ELP4: variants seen among roughly 807,000 people sequenced by gnomAD.
ELP4 encodes elongator acetyltransferase complex subunit 4, also known as elongator complex protein 4.
In ELP4, 51 loss-of-function variants were observed where a neutral mutation model predicts 48.9. That is an observed-to-expected ratio of 1.04 (90% CI 0.83 to 1.32). ELP4 has a LOEUF of 1.32. Among genes scored for constraint, ELP4 ranks in the 40% most tolerant of loss-of-function variants. The pLI, the probability that ELP4 is intolerant of heterozygous loss-of-function variation, is 0.00. For synonymous variants in ELP4, 210 were observed against 189.2 expected, an observed-to-expected ratio of 1.11 and a Z score of -0.90; for missense variants, 519 against 514.6, an observed-to-expected ratio of 1.01 and a Z score of -0.08.
intron 9 of ELP4, among the ~76,000 whole-genome samples, chr11:31,725,543 A>C (rs1382603814): frequency 1.3e-5 from 2 of 152,162 alleles, no homozygotes; most frequent in Admixed American, 1.3e-4. Flanking sequence ...ACTGATGTTC[A>C]CTGGGGAATG....
At chr11:31,568,504 C>T (rs1957147395) in intron 3 of ELP4, among the ~76,000 whole-genome samples, 1 of 152,140 alleles carries the variant, frequency 6.6e-6, no homozygotes, top group South Asian at 2.1e-4. Context: ...AAACAAGAGG[C>T]ATCACATTAC....
At chr11:31,651,155 C>T (rs1444221975) in intron 9 of ELP4, 3 of 151,678 alleles carry the variant, frequency 2.0e-5, no homozygotes, top group Non-Finnish European at 3.0e-5. Context: ...CACTTTGGCC[C>T]TTTTTTGACC....
chr11:31,519,944 C>A, intron 1 of ELP4, 112 bp from the exon 2 acceptor site: 1 of 908,180 alleles, frequency 1.1e-6, no homozygotes, highest in Non-Finnish European at 1.7e-6. Flanking sequence ...ATGTTGTTCA[C>A]AACTACTGTT....
intron 9 of ELP4, among the ~76,000 whole-genome samples, chr11:31,704,169 T>A (rs918896485): frequency 3.9e-5 from 6 of 152,028 alleles, no homozygotes; most frequent in Non-Finnish European, 8.8e-5. Flanking sequence ...TTATTTCAGA[T>A]CCTGTTCTTG....
At chr11:31,656,047 C>T (rs1565098371) in intron 9 of ELP4, among the ~76,000 whole-genome samples, 1 of 151,944 alleles carries the variant, frequency 6.6e-6, no homozygotes, top group African/African-American at 2.4e-5. Context: ...GAAGAAAAAA[C>T]ATTTTTCCCT....
chr11:31,549,696 A>G (rs1469395027), intron 3 of ELP4, among the ~76,000 whole-genome samples: 7 of 152,204 alleles, frequency 4.6e-5, no homozygotes. Flanking sequence ...ACGTATGTTT[A>G]TTGCGGCACT....
chr11:31,733,222 T>G (rs190931253), intron 9 of ELP4, among the ~76,000 whole-genome samples: 61 of 152,036 alleles, frequency 4.0e-4, no homozygotes, highest in Non-Finnish European at 6.6e-4. Flanking sequence ...ACACCTGTAA[T>G]CTCAGCAATT....
intron 2 of ELP4, among the ~76,000 whole-genome samples, chr11:31,531,212 G>A (rs1202168164): frequency 6.6e-6 from 1 of 152,162 alleles, no homozygotes; most frequent in Non-Finnish European, 1.5e-5. Context: ...GTGTATATGT[G>A]TATAAAATGG....
At chr11:31,695,324 A>G (rs1426341535) in intron 9 of ELP4, among the ~76,000 whole-genome samples, 10 of 152,160 alleles carry the variant, frequency 6.6e-5, no homozygotes, top group East Asian at 5.8e-4. Context: ...ATTTTGAGAT[A>G]TGTCCCATCA....
chr11:31,622,491 TG>T (rs1213812437), intron 5 of ELP4, among the ~76,000 whole-genome samples: 1 of 151,802 alleles, frequency 6.6e-6, no homozygotes, highest in Non-Finnish European at 1.5e-5. Flanking sequence ...TACCTGTACT[TG>T]ATTTCTTTTG....
chr11:31,668,619 C>T (rs1171808313), intron 9 of ELP4, among the ~76,000 whole-genome samples: 1 of 147,282 alleles, frequency 6.8e-6, no homozygotes, highest in Non-Finnish European at 1.5e-5. Context: ...CGCCACCGCA[C>T]CTAGCTGTGA....
chr11:31,780,363 A>C (rs1948345304), intron 9 of ELP4, among the ~76,000 whole-genome samples: 2 of 152,216 alleles, frequency 1.3e-5, no homozygotes, highest in Admixed American at 6.5e-5. Flanking sequence ...AGGCTCAGAA[A>C]GAAAGAAAAC....
intron 2 of ELP4, among the ~76,000 whole-genome samples, chr11:31,525,263 T>A (rs1450939889): frequency 1.3e-5 from 2 of 152,202 alleles, no homozygotes; most frequent in Non-Finnish European, 2.9e-5. Context: ...TTTAGAGTAG[T>A]AGAACTTTGT....
In ELP4 at chr11:31,576,947, A is replaced by G. The variant is rs554758795; in HGVS notation, c.382-17823A>G. The stretch of plus-strand genomic sequence containing the variant: ...GGTAAGAGATAACTAAGATCAGAGC[A>G]GAACTGAAGGAGATGGAGACACAAA... On this transcript the variant is annotated intron_variant, in intron 3 of 9. Coordinates refer to ENST00000640961, the MANE Select transcript of ELP4 (RefSeq NM_019040.5). 3.8e-3 allele frequency among the ~76,000 whole-genome samples: 575 copies of G among 152,348 alleles called. 5 individuals are homozygous for G. Among genetic ancestry groups the G allele is most frequent in the African/African-American group, 0.013 (549 of 41,580 alleles).
intron 9 of ELP4, among the ~76,000 whole-genome samples, chr11:31,761,388 C>T (rs959823235): frequency 2.7e-5 from 4 of 150,458 alleles, no homozygotes; most frequent in African/African-American, 7.3e-5. Context: ...AAAACAATTA[C>T]TCATTTTTTA....
chr11:31,774,999 C>G (rs971458020), intron 9 of ELP4, among the ~76,000 whole-genome samples: 1 of 152,108 alleles, frequency 6.6e-6, no homozygotes, highest in African/African-American at 2.4e-5. Context: ...CTTCCATTTT[C>G]TGGTCCAGGA....
intron 7 of ELP4, among the ~76,000 whole-genome samples, chr11:31,638,694 T>TA (rs1440160558): frequency 6.6e-6 from 1 of 151,894 alleles, no homozygotes; most frequent in East Asian, 1.9e-4. Flanking sequence ...AAGTGAATGA[T>TA]ACAGTATGTT....
chr11:31,592,242 C>A (rs536081250), intron 3 of ELP4, among the ~76,000 whole-genome samples: 1 of 152,168 alleles, frequency 6.6e-6, no homozygotes, highest in East Asian at 1.9e-4. Flanking sequence ...AATTTTATTT[C>A]ACTTTAAAAA....
intron 3 of ELP4, among the ~76,000 whole-genome samples, chr11:31,540,286 A>G (rs753010257): frequency 2.2e-4 from 34 of 152,214 alleles, no homozygotes; most frequent in Non-Finnish European, 4.4e-4. Context: ...TGAAATTTGA[A>G]TTTTCAGCCT....
Sources: allele counts gnomAD v4.1 joint callset (sites outside exome capture counted in the v4.1 genomes callset), GRCh38; gene constraint gnomAD v4.1.1; transcripts MANE v1.5; gene names NCBI Gene and HGNC (gene_info 2026-07-23, HGNC 2026-07-21).